CDCP1: variants seen among roughly 807,000 people sequenced by gnomAD.
CDCP1 encodes the protein CUB domain-containing protein 1.
CDCP1 carries 29 observed loss-of-function variants against 60.2 expected under a neutral mutation model. The observed-to-expected ratio is 0.48, with a 90% CI of 0.36 to 0.66. CDCP1 has a LOEUF of 0.66. CDCP1 is among the 30% of genes least tolerant of loss of function. The pLI is 0.00. For missense variants in CDCP1, 876 were observed against 1,074.3 expected (o/e 0.82, Z 2.58); for synonymous variants, 387 against 431.1 (o/e 0.90, Z 1.27).
At chr3:45,136,357 C>T (rs58183364) in intron 1 of CDCP1, among the ~76,000 whole-genome samples, 23,852 of 152,146 alleles carry the variant, frequency 0.16, 2,010 homozygotes, top group African/African-American at 0.19. Context: ...TAGAAGTTAG[C>T]CCTACTGCTA....
intron 1 of CDCP1, among the ~76,000 whole-genome samples, chr3:45,145,604 A>G (rs1392245770): frequency 6.6e-6 from 1 of 152,080 alleles, no homozygotes; most frequent in Admixed American, 6.5e-5. Flanking sequence ...GGACCCCCTA[A>G]AAGAAATCCG....
chr3:45,095,680 G>A, intron 4 of CDCP1, 112 bp from the exon 5 acceptor site: 1 of 771,604 alleles, frequency 1.3e-6, no homozygotes, highest in Non-Finnish European at 2.2e-6. Context: ...ATCAGACCAT[G>A]GATGGATAAT....
At chr3:45,133,258 G>A (rs1699129012) in intron 1 of CDCP1, among the ~76,000 whole-genome samples, 1 of 152,010 alleles carries the variant, frequency 6.6e-6, no homozygotes, top group African/African-American at 2.4e-5. Context: ...AGCTCCTGTG[G>A]AGAATGTAGC....
At chr3:45,088,880 T>A (rs527701626) in intron 8 of CDCP1, among the ~76,000 whole-genome samples, 174 bp downstream of exon 8, 1 of 150,978 alleles carries the variant, frequency 6.6e-6, no homozygotes, top group East Asian at 1.9e-4. Context: ...CCCCCAGGCA[T>A]GGGATTTTTT....
Position 45,084,711 on chromosome 3 carries a change from C to T in CDCP1, c.*927G>A, listed in dbSNP as rs1278254001. On this transcript the variant is annotated 3_prime_UTR_variant, in exon 9 of 9. Transcript: ENST00000296129. ...TATAAGCTAATGTGTTGTTTTTAAG[C>T]TACCAAGTAATAGGTTGCAGTGGCA... is the stretch of plus-strand genomic sequence containing the variant. 1 of 152,610 alleles carries T rather than the reference C, an allele frequency of 6.6e-6. No individual in the cohort carries two copies. The highest frequency in any genetic ancestry group is 6.6e-5 in the Admixed American group (1 of 15,264). 9.5% of individuals were successfully genotyped at this position (152,610 alleles called of 1,614,324 possible).
intron 1 of CDCP1, among the ~76,000 whole-genome samples, chr3:45,144,514 G>T (rs1183800644): frequency 1.3e-5 from 2 of 152,206 alleles, no homozygotes; most frequent in East Asian, 3.9e-4. Flanking sequence ...ACAGGGCTCA[G>T]CCAGTCAAGG....
At chr3:45,099,635 G>T (rs183414476) in intron 4 of CDCP1, among the ~76,000 whole-genome samples, 9 of 152,078 alleles carry the variant, frequency 5.9e-5, no homozygotes, top group Non-Finnish European at 8.8e-5. Context: ...GGGCCTCCTT[G>T]ACTGGTCCTT....
intron 4 of CDCP1, among the ~76,000 whole-genome samples, chr3:45,100,070 C>T (rs1481802452): frequency 6.6e-6 from 1 of 152,198 alleles, no homozygotes; most frequent in Non-Finnish European, 1.5e-5. Context: ...AATAGCTCTG[C>T]TTGTTGACTG....
intron 4 of CDCP1, among the ~76,000 whole-genome samples, chr3:45,109,421 T>C (rs1698649809): frequency 6.6e-6 from 1 of 152,066 alleles, no homozygotes; most frequent in Non-Finnish European, 1.5e-5. Context: ...TTTTTCTGCC[T>C]GGCTCTGCCT....
chr3:45,143,521 G>A (rs375024567), intron 1 of CDCP1, among the ~76,000 whole-genome samples: 13 of 152,186 alleles, frequency 8.5e-5, no homozygotes, highest in African/African-American at 2.2e-4. Context: ...CCCATTTTTG[G>A]TTTGTGCACA....
chr3:45,119,328 C>T (rs1052905169), intron 1 of CDCP1, among the ~76,000 whole-genome samples: 2 of 152,162 alleles, frequency 1.3e-5, no homozygotes, highest in African/African-American at 2.4e-5. Flanking sequence ...CTCTGGTTCA[C>T]AAACAAGCCC....
In CDCP1 at chr3:45,106,930, G is replaced by A. The variant is rs1007209467; in HGVS notation, c.1024+3543C>T. On this transcript the variant is annotated intron_variant, in intron 4 of 8. Transcript: ENST00000296129. ...TCTCAGCTTCTTTCTCACCTCCAAGGCTAAGAAAGCAGGAGCAGCACATAG... is the reference window on the plus strand; with the variant it reads ...TCTCAGCTTCTTTCTCACCTCCAAGACTAAGAAAGCAGGAGCAGCACATAG... Among the ~76,000 whole-genome samples, 9 of 152,232 alleles carry A rather than the reference G, an allele frequency of 5.9e-5. No individual in the cohort carries two copies. The East Asian group carries it at 1.2e-3, about 20-fold the overall frequency.
At chr3:45,120,943 C>T (rs904002538) in intron 1 of CDCP1, among the ~76,000 whole-genome samples, 8 of 152,028 alleles carry the variant, frequency 5.3e-5, no homozygotes, top group South Asian at 4.1e-4. Context: ...CTGAACCCTG[C>T]GCTTGATGTC....
chr3:45,110,910 C>T (rs545272763), intron 3 of CDCP1, 69 bp from the exon 4 acceptor site: 27 of 1,526,288 alleles, frequency 1.8e-5, no homozygotes, highest in Admixed American at 1.5e-4. Context: ...TGTCTGCAGC[C>T]GAGGGGTGGG....
At chr3:45,145,872 T>C (rs546955116) in intron 1 of CDCP1, among the ~76,000 whole-genome samples, 1 of 151,992 alleles carries the variant, frequency 6.6e-6, no homozygotes, top group South Asian at 2.1e-4. Context: ...TCGCCTGGGA[T>C]CGGCTACCGG....
At chr3:45,096,925 C>A (rs1056610970) in intron 4 of CDCP1, among the ~76,000 whole-genome samples, 1 of 152,158 alleles carries the variant, frequency 6.6e-6, no homozygotes, top group African/African-American at 2.4e-5. Flanking sequence ...AAATTTCTAA[C>A]AAGAACATAG....
intron 2 of CDCP1, 48 bp from the exon 3 acceptor site, chr3:45,112,493 C>G (rs771926242): frequency 6.3e-7 from 1 of 1,578,546 alleles, no homozygotes; most frequent in East Asian, 2.2e-5. Flanking sequence ...GCTCCAAGGC[C>G]CCACACCACT....
At chr3:45,120,498 T>C (rs1698864665) in intron 1 of CDCP1, among the ~76,000 whole-genome samples, 1 of 152,212 alleles carries the variant, frequency 6.6e-6, no homozygotes, top group Non-Finnish European at 1.5e-5. Context: ...CTACACTCCC[T>C]GCCAGCTCTG....
intron 2 of CDCP1, among the ~76,000 whole-genome samples, chr3:45,117,622 A>T (rs548866593): frequency 5.1e-4 from 72 of 141,752 alleles, no homozygotes; most frequent in Non-Finnish European, 9.5e-4. Flanking sequence ...TTTGAGACGT[A>T]GTCTCGCTCT....
Sources: allele counts gnomAD v4.1 joint callset (sites outside exome capture counted in the v4.1 genomes callset), GRCh38; gene constraint gnomAD v4.1.1; transcripts MANE v1.5; gene names NCBI Gene and HGNC (gene_info 2026-07-23, HGNC 2026-07-21).